KDM1B: variants seen among roughly 807,000 people sequenced by gnomAD.
KDM1B encodes lysine-specific histone demethylase 2.
A neutral mutation model predicts 107.4 loss-of-function variants in KDM1B; 63 were observed. The ratio of observed to expected loss-of-function variants is 0.59; its 90% CI spans 0.48 to 0.72. KDM1B has a LOEUF of 0.72. Among genes scored for constraint, KDM1B ranks in the 30% least tolerant of loss-of-function variants. KDM1B has a pLI of 0.00. For missense variants in KDM1B, 749 were observed against 1,020.8 expected (o/e 0.73, Z 3.63); for synonymous variants, 363 against 363.9 (o/e 1.00, Z 0.03).
chr6:18,203,233 C>T lies in KDM1B; in HGVS notation c.1531+1576C>T, dbSNP rs1788159921. Among the ~76,000 whole-genome samples the T allele has an allele frequency of 6.6e-6, 1 of 152,108 alleles. No individual in the cohort carries two copies. The highest frequency in any genetic ancestry group is 1.5e-5 in the Non-Finnish European group (1 of 68,028). Reference sequence around the variant, plus strand: ...TAGAGACTGTGGTGAGCTGTGATCTCGCCACTGCACCTCAGCTTGGGTGAC... The same window carrying T: ...TAGAGACTGTGGTGAGCTGTGATCTTGCCACTGCACCTCAGCTTGGGTGAC... On this transcript the variant is annotated intron_variant, in intron 14 of 21. Coordinates refer to ENST00000650836, the MANE Select transcript of KDM1B (RefSeq NM_001364614.2). The surrounding 1 kb of genome is among the most constrained non-coding windows in gnomAD (Gnocchi z 5.5).
In KDM1B at chr6:18,214,400, T is replaced by C. The variant is rs900272193; in HGVS notation, c.2110-607T>C. On this transcript the variant is annotated intron_variant, in intron 19 of 21. Transcript: ENST00000650836. This position sits in a 1 kb window ranked among gnomAD's most constrained non-coding sequence, Gnocchi z 4.4. ...TTTTCATTGTTTTATCTGCAGATTT[T>C]CCTTCTCCATCTCTTTCTACTTCTT... 2.0e-5 allele frequency among the ~76,000 whole-genome samples: 3 copies of C among 152,242 alleles called. No homozygotes were observed. Among genetic ancestry groups the C allele is most frequent in the Non-Finnish European group, 4.4e-5 (3 of 68,044 alleles).
chr6:18,169,985 C>A (rs893308946), intron 6 of KDM1B, among the ~76,000 whole-genome samples: 1 of 66,036 alleles, frequency 1.5e-5, no homozygotes, highest in Non-Finnish European at 2.9e-5. Flanking sequence ...TCTCAGCTCA[C>A]TGCAACCTCC....
At chr6:18,221,556 T>C (rs764260223) in intron 21 of KDM1B, among the ~76,000 whole-genome samples, 3 of 152,234 alleles carry the variant, frequency 2.0e-5, no homozygotes, top group African/African-American at 4.8e-5. Flanking sequence ...GTGGCTTGGC[T>C]GAACTGCCAT....
intron 21 of KDM1B, 29 bp downstream of exon 21, chr6:18,217,914 TTTGTA>T: frequency 6.3e-7 from 1 of 1,596,050 alleles, no homozygotes; most frequent in Non-Finnish European, 8.5e-7. Context: ...AACCCAATTA[TTTGTA>T]TTTTGATTTC....
intron 7 of KDM1B, among the ~76,000 whole-genome samples, chr6:18,184,869 G>A (rs1755193973): frequency 6.7e-6 from 1 of 149,500 alleles, no homozygotes; most frequent in Admixed American, 6.7e-5. Flanking sequence ...CCGAGTAGTT[G>A]GAAGTACAGG....
chr6:18,169,234 A>ATTTT (rs1177850023), intron 6 of KDM1B, among the ~76,000 whole-genome samples: 2 of 140,322 alleles, frequency 1.4e-5, no homozygotes, highest in African/African-American at 5.4e-5. Flanking sequence ...ATATATATAA[A>ATTTT]TTTTTTTTTT....
At chr6:18,166,244 T>C in intron 5 of KDM1B, 23 bp from the exon 6 acceptor site, 3 of 1,076,366 alleles carry the variant, frequency 2.8e-6, no homozygotes, top group Non-Finnish European at 4.4e-6. Flanking sequence ...TTAATCGATA[T>C]ATTAATTTTT....
At position 18,210,322 on chromosome 6, in the gene KDM1B, C is replaced by CT. The variant is rs1212812073; in HGVS notation, c.1866+2124dup. 1.6e-4 allele frequency among the ~76,000 whole-genome samples: 12 copies of CT among 73,942 alleles called. No individual in the cohort carries two copies. The South Asian group carries it at 4.0e-3, about 25-fold the overall frequency. The allele number at this position is 73,942 out of a possible 152,430, so 48.5% of individuals were successfully genotyped here. On this transcript the variant is annotated intron_variant, in intron 17 of 21. Transcript: ENST00000650836. ...ATTTGTTTACCCAAGGCTTTTCTTT[C>CT]TTTTTTTTCTCTTTCTTTTCTTTTT...
At position 18,209,055 on chromosome 6, in the gene KDM1B, C is replaced by T. The variant is rs1041881218; in HGVS notation, c.1866+849C>T. Among the ~76,000 whole-genome samples, 2 of 152,106 alleles carry T rather than the reference C, an allele frequency of 1.3e-5. No homozygotes were observed. The highest frequency in any genetic ancestry group is 2.9e-5 in the Non-Finnish European group (2 of 68,018). On this transcript the variant is annotated intron_variant, in intron 17 of 21. Coordinates refer to ENST00000650836, the MANE Select transcript of KDM1B (RefSeq NM_001364614.2). The surrounding 1 kb of genome is among the most constrained non-coding windows in gnomAD (Gnocchi z 4.3). ...CATTTTTTTAAACCACGGAATCCTT[C>T]TTCAGATCAGGAAAGTTCTGTTTTC...
intron 6 of KDM1B, among the ~76,000 whole-genome samples, chr6:18,170,828 T>C (rs1022015604): frequency 1.3e-5 from 2 of 151,376 alleles, no homozygotes; most frequent in Admixed American, 6.6e-5. Context: ...CTTTTTTTTT[T>C]CCTTTTTTTT....
rs1786886308 is a variant in KDM1B, at chr6:18,186,791, C to T, written c.573+981C>T. ...AAGGGGGAAAAGCCCCTTGTAAAACCATCAGATCTCATGAGAACTCATTAT... is the reference window on the plus strand; with the variant it reads ...AAGGGGGAAAAGCCCCTTGTAAAACTATCAGATCTCATGAGAACTCATTAT... On this transcript the variant is annotated intron_variant, in intron 8 of 21. Coordinates refer to ENST00000650836, the MANE Select transcript of KDM1B (RefSeq NM_001364614.2). The surrounding 1 kb of genome is among the most constrained non-coding windows in gnomAD (Gnocchi z 5.6). Among the ~76,000 whole-genome samples the T allele has an allele frequency of 6.6e-6, 1 of 152,042 alleles. No homozygotes were observed. The highest frequency in any genetic ancestry group is 2.4e-5 in the African/African-American group (1 of 41,388).
In KDM1B at chr6:18,200,427, C is replaced by CT. The variant is rs1224377741; in HGVS notation, c.1222-11dup. ...TGTCCTATTTAGCTTCCCTGACTGT[C>CT]TGTCTTTTTAGGTGACTGTCCTGGA... is the stretch of plus-strand genomic sequence containing the variant. On this transcript the variant is annotated splice_polypyrimidine_tract_variant and intron_variant, in intron 12 of 21. Coordinates refer to ENST00000650836, the MANE Select transcript of KDM1B (RefSeq NM_001364614.2). The surrounding 1 kb of genome is among the most constrained non-coding windows in gnomAD (Gnocchi z 4.3). 3.1e-6 allele frequency: 5 copies of CT among 1,612,392 alleles called. No individual in the cohort carries two copies. The highest frequency in any genetic ancestry group is 2.5e-6 in the Non-Finnish European group (3 of 1,179,312).
intron 12 of KDM1B, among the ~76,000 whole-genome samples, chr6:18,199,488 C>T (rs556201977): frequency 6.6e-6 from 1 of 152,194 alleles, no homozygotes; most frequent in African/African-American, 2.4e-5. Flanking sequence ...AAGACTGGCC[C>T]TGCGATGAAT....
At chr6:18,156,268 C>G (rs1013456238) in intron 2 of KDM1B, among the ~76,000 whole-genome samples, 3 of 152,104 alleles carry the variant, frequency 2.0e-5, no homozygotes, top group Non-Finnish European at 4.4e-5. Flanking sequence ...TGTTAGTCAA[C>G]GGCCGGGCAG....
At chr6:18,208,337 G>A in intron 17 of KDM1B, 131 bp downstream of exon 17, 1 of 644,596 alleles carries the variant, frequency 1.6e-6, no homozygotes, top group East Asian at 2.6e-5. Flanking sequence ...TTTCTGGTAA[G>A]TTATGTATCT....
chr6:18,215,596 TAC>T (rs1789160544), intron 20 of KDM1B, among the ~76,000 whole-genome samples: 2 of 152,130 alleles, frequency 1.3e-5, no homozygotes, highest in African/African-American at 4.8e-5. Flanking sequence ...TGCGACGAAA[TAC>T]AGTCACATTC....
chr6:18,173,781 C>T (rs7754932), intron 7 of KDM1B, among the ~76,000 whole-genome samples: 135,443 of 152,178 alleles, frequency 0.89, 60,335 homozygotes, highest in East Asian at 0.91. Flanking sequence ...AGCACCATTG[C>T]TTTATTTTAT....
intron 14 of KDM1B, among the ~76,000 whole-genome samples, chr6:18,202,740 A>G (rs1452805099): frequency 6.6e-6 from 1 of 152,094 alleles, no homozygotes; most frequent in Admixed American, 6.6e-5. Context: ...GTTTGGGGTA[A>G]ACTTCTTAGT....
chr6:18,213,211 T>C lies in KDM1B; in HGVS notation c.1984-445T>C, dbSNP rs214587. 0.76 allele frequency among the ~76,000 whole-genome samples: 115,590 copies of C among 152,030 alleles called. 44,269 individuals are homozygous for C. The highest frequency in any genetic ancestry group is 0.87 in the African/African-American group (35,936 of 41,490). Reference sequence around the variant, plus strand: ...CAGCACTTTGGAAGGCTGAGGAGGATGGATTACCTGAGGTCAGGAGTTCAA... The same window carrying C: ...CAGCACTTTGGAAGGCTGAGGAGGACGGATTACCTGAGGTCAGGAGTTCAA... On this transcript the variant is annotated intron_variant, in intron 18 of 21. Coordinates refer to ENST00000650836, the MANE Select transcript of KDM1B (RefSeq NM_001364614.2). This position sits in a 1 kb window ranked among gnomAD's most constrained non-coding sequence, Gnocchi z 5.9.
Sources: gnomAD v4.1 joint callset for allele counts (sites outside exome capture counted in the v4.1 genomes callset) on GRCh38, gnomAD v4.1.1 for gene constraint, Gnocchi (gnomAD v3.1) non-coding constraint, MANE v1.5 for transcripts, NCBI Gene and HGNC (gene_info 2026-07-23, HGNC 2026-07-21) for gene names.